The following CFAP46 variants were observed in gnomAD, a reference collection of about 807,000 sequenced individuals.
CFAP46 encodes cilia and flagella associated protein 46.
In CFAP46, 245 loss-of-function variants were observed where a neutral mutation model predicts 325.7. That is an observed-to-expected ratio of 0.75 (90% CI 0.68 to 0.84). The LOEUF (loss-of-function observed/expected upper bound fraction) is 0.84. CFAP46 is among the 40% of genes least tolerant of loss of function. CFAP46 has a pLI of 0.00. For synonymous variants in CFAP46, 1,523 were observed against 1,495.9 expected (o/e 1.02, Z -0.42); for missense variants, 3,346 against 3,543.0 (o/e 0.94, Z 1.41).
chr10:132,868,175 C>T (rs867049323), intron 33 of CFAP46, among the ~76,000 whole-genome samples: 1 of 152,300 alleles, frequency 6.6e-6, no homozygotes, highest in South Asian at 2.1e-4. Flanking sequence ...CGTTCCAAGT[C>T]GAGGTGCCCC....
intron 32 of CFAP46, among the ~76,000 whole-genome samples, chr10:132,871,015 T>G (rs1487376934): frequency 6.6e-6 from 1 of 152,230 alleles, no homozygotes; most frequent in Non-Finnish European, 1.5e-5. Context: ...GACTTTGAGT[T>G]GAAGCCAATC....
rs1848961962 is a variant in CFAP46 at position 132,876,693 on chromosome 10, A to C, written c.4362+119T>G. On this transcript the variant is annotated intron_variant, in intron 31 of 57. Coordinates refer to ENST00000368586, the MANE Select transcript of CFAP46 (RefSeq NM_001200049.3). The surrounding 1 kb of genome is among the most constrained non-coding windows in gnomAD (Gnocchi z 4.1). ...CTGTGGGAGGCTGGGGGCTGATGGG[A>C]CTCTGTCCTGTCCTCCTTTTTCTGG... 7.4e-6 allele frequency: 8 copies of C among 1,074,132 alleles called. No homozygotes were observed. The highest frequency in any genetic ancestry group is 1.1e-5 in the Non-Finnish European group (8 of 760,924). The allele number at this position is 1,074,132 out of a possible 1,614,324, so 66.5% of individuals were successfully genotyped here. A position where few individuals can be genotyped will look rare whatever the true frequency, so the allele number is the denominator to read the frequency against.
chr10:132,874,888 A>G (rs917262507), intron 31 of CFAP46, among the ~76,000 whole-genome samples: 2 of 152,234 alleles, frequency 1.3e-5, no homozygotes, highest in African/African-American at 4.8e-5. Flanking sequence ...CACCATTTTC[A>G]TTCAACCTCA....
At position 132,847,375 on chromosome 10, in the gene CFAP46, G is replaced by T; in HGVS notation, c.5953-54C>A. The T allele has an allele frequency of 6.2e-7, 1 of 1,601,164 alleles. No individual in the cohort carries two copies. Among genetic ancestry groups the T allele is most frequent in the Non-Finnish European group, 8.5e-7 (1 of 1,171,776 alleles). On this transcript the variant is annotated intron_variant, in intron 41 of 57. Transcript: ENST00000368586. The surrounding 1 kb of genome is among the most constrained non-coding windows in gnomAD (Gnocchi z 5.2). The stretch of plus-strand genomic sequence containing the variant: ...ACTTCTGGGTTCCTGCTTGGTCGGC[G>T]TGGGGAGGGCCCACCCAGGGAGGCC...
rs994379022 is a variant in CFAP46 at position 132,920,000 on chromosome 10, C to T, written c.1730+59G>A. On this transcript the variant is annotated intron_variant, in intron 14 of 57. Coordinates refer to ENST00000368586, the MANE Select transcript of CFAP46 (RefSeq NM_001200049.3). The surrounding 1 kb of genome is among the most constrained non-coding windows in gnomAD (Gnocchi z 9.7). ...CTCAGCCGCCACAGACACTGGCCCT[C>T]GGGCTGAGCGACCCCCGGGCTGAGC... 20 of 1,442,772 alleles carry T rather than the reference C, an allele frequency of 1.4e-5. No individual in the cohort carries two copies. The highest frequency in any genetic ancestry group is 1.6e-5 in the Non-Finnish European group (17 of 1,095,468). 89.4% of individuals were successfully genotyped at this position (1,442,772 alleles called of 1,614,324 possible).
intron 22 of CFAP46, 31 bp downstream of exon 22, chr10:132,908,437 G>T: frequency 6.5e-7 from 1 of 1,549,966 alleles, no homozygotes; most frequent in South Asian, 1.2e-5. Context: ...CCCGTTTTGA[G>T]GGAATTTGTC....
At chr10:132,816,401 G>C (rs553658116) in intron 50 of CFAP46, among the ~76,000 whole-genome samples, 2 of 145,916 alleles carry the variant, frequency 1.4e-5, no homozygotes, top group Admixed American at 1.4e-4. Flanking sequence ...GCGCGATCTC[G>C]GCTCACTGCA....
Position 132,876,258 on chromosome 10 carries a change from C to G in CFAP46, c.4362+554G>C, listed in dbSNP as rs542866377. Among the ~76,000 whole-genome samples, 77 of 152,386 alleles carry G rather than the reference C, an allele frequency of 5.1e-4. No individual in the cohort carries two copies. The highest frequency in any genetic ancestry group is 1.8e-3 in the African/African-American group (76 of 41,588). ...GGCACGGCAGTGAACTGAATGACCA[C>G]TATGGAGGGCAGCATGGCAGCGTGG... On this transcript the variant is annotated intron_variant, in intron 31 of 57. Coordinates refer to ENST00000368586, the MANE Select transcript of CFAP46 (RefSeq NM_001200049.3). This position sits in a 1 kb window ranked among gnomAD's most constrained non-coding sequence, Gnocchi z 4.1.
At position 132,909,235 on chromosome 10, in the gene CFAP46, C is replaced by T. The variant is rs552783498; in HGVS notation, c.2659G>A (p.Glu887Lys). 6.5e-7 allele frequency: 1 copy of T among 1,550,226 alleles called. No homozygotes were observed. Among genetic ancestry groups the T allele is most frequent in the Non-Finnish European group, 8.7e-7 (1 of 1,146,812 alleles). ...ACTCTGGTCACCGAGCTGACATCCTCATTGGTGCCCTGGTGGGGAGGATGC... is the reference window on the plus strand; with the variant it reads ...ACTCTGGTCACCGAGCTGACATCCTTATTGGTGCCCTGGTGGGGAGGATGC... ...RLGTEEQGTNEDVSSVTRVLV... is the reference protein window; with the variant it reads ...RLGTEEQGTNKDVSSVTRVLV... Residue 887 changes from glutamate to lysine, a missense_variant, in exon 21 of 58, where the codon GAG (glutamate) becomes AAG (lysine). Physicochemically the swap from Glu to Lys is moderately conservative, Grantham distance 56 (BLOSUM62 1). Transcript: ENST00000368586.
At chr10:132,821,615 ATGTGTGCTGTGTGTGTGC>A (rs1439164956) in intron 50 of CFAP46, among the ~76,000 whole-genome samples, 1 of 84,946 alleles carries the variant, frequency 1.2e-5, no homozygotes, top group Non-Finnish European at 2.2e-5. Flanking sequence ...GTGTGCGCTG[ATGTGTGCTGTGTGTGTGC>A]TGTGTGCTGT....
intron 27 of CFAP46, among the ~76,000 whole-genome samples, chr10:132,882,755 C>T (rs932402947): frequency 1.3e-5 from 2 of 151,916 alleles, no homozygotes; most frequent in Non-Finnish European, 2.9e-5. Context: ...GGACGAGGAA[C>T]CAGTGAGGTG....
chr10:132,882,016 T>C (rs531604264), intron 27 of CFAP46, among the ~76,000 whole-genome samples: 1 of 147,192 alleles, frequency 6.8e-6, no homozygotes, highest in Non-Finnish European at 1.5e-5. Context: ...GTGTGTGGGA[T>C]GTAAGGGGTG....
chr10:132,910,404 C>G (rs994032515), intron 19 of CFAP46, among the ~76,000 whole-genome samples: 8 of 152,230 alleles, frequency 5.3e-5, no homozygotes, highest in Admixed American at 4.6e-4. Flanking sequence ...GGGGGTGGGG[C>G]AGCAAGGACG....
rs191189101 is a variant in CFAP46 at position 132,900,064 on chromosome 10, C to T, written c.2925-398G>A. Among the ~76,000 whole-genome samples the T allele has an allele frequency of 7.7e-4, 118 of 152,302 alleles. 1 individual carries two copies. The highest frequency in any genetic ancestry group is 6.8e-3 in the Middle Eastern group (2 of 294). ...CTGACTCTCACAGTAACCTTATGAGCGACCCCAACCCAAAACTAACTAGCT... is the reference window on the plus strand; with the variant it reads ...CTGACTCTCACAGTAACCTTATGAGTGACCCCAACCCAAAACTAACTAGCT... On this transcript the variant is annotated intron_variant, in intron 22 of 57. Transcript: ENST00000368586.
Position 132,879,650 on chromosome 10 carries a change from G to C in CFAP46, c.3800-19C>G. Reference sequence around the variant, plus strand: ...TACTCCCCTGAAACACGGGGTGCCCGAGGCTGAGAGCAGGCCCGGCTACGG... The same window carrying C: ...TACTCCCCTGAAACACGGGGTGCCCCAGGCTGAGAGCAGGCCCGGCTACGG... On this transcript the variant is annotated intron_variant, in intron 28 of 57. Transcript: ENST00000368586. 6.7e-7 allele frequency: 1 copy of C among 1,489,854 alleles called. No individual in the cohort carries two copies. Among genetic ancestry groups the C allele is most frequent in the Non-Finnish European group, 8.9e-7 (1 of 1,117,968 alleles). 92.3% of individuals were successfully genotyped at this position (1,489,854 alleles called of 1,614,324 possible).
intron 11 of CFAP46, among the ~76,000 whole-genome samples, chr10:132,923,975 T>C (rs74161931): frequency 0.013 from 1,954 of 152,146 alleles, 54 homozygotes; most frequent in African/African-American, 0.045. Context: ...GCACTGGCAG[T>C]GCAGGAAGGT....
intron 22 of CFAP46, among the ~76,000 whole-genome samples, chr10:132,900,858 G>A (rs964197778): frequency 5.3e-5 from 8 of 152,332 alleles, no homozygotes; most frequent in Non-Finnish European, 8.8e-5. Flanking sequence ...GCTGAGAGAG[G>A]AATGTTAAAA....
At position 132,844,248 on chromosome 10, in the gene CFAP46, G is replaced by A. The variant is rs556617550; in HGVS notation, c.6438+1809C>T. Among the ~76,000 whole-genome samples, 163 of 152,152 alleles carry A rather than the reference G, an allele frequency of 1.1e-3. 1 individual carries two copies. The highest frequency in any genetic ancestry group is 1.8e-3 in the Non-Finnish European group (125 of 67,966). ...GCTGTGGGGCTCTCCTAGCTGCAGC[G>A]CAGTGACCTCTCCTGTCCTGGCTGC... On this transcript the variant is annotated intron_variant, in intron 44 of 57. Transcript: ENST00000368586.
rs1356859748 is a variant in CFAP46, at chr10:132,941,829, C to G, written c.175-107G>C. ...GAACAGGCCCCCAGCACAGGTGGAG[C>G]CTGTTTCCAGCCCCATCCTCCATCC... is the stretch of plus-strand genomic sequence containing the variant. On this transcript the variant is annotated intron_variant, in intron 2 of 57. Coordinates refer to ENST00000368586, the MANE Select transcript of CFAP46 (RefSeq NM_001200049.3). The G allele has an allele frequency of 2.6e-6, 4 of 1,552,608 alleles. No homozygotes were observed. The East Asian group carries it at 6.9e-5, about 27-fold the overall frequency.
Sources: allele counts gnomAD v4.1 joint callset (sites outside exome capture counted in the v4.1 genomes callset), GRCh38; gene constraint gnomAD v4.1.1; non-coding constraint Gnocchi (gnomAD v3.1); transcripts MANE v1.5; gene names NCBI Gene and HGNC (gene_info 2026-07-23, HGNC 2026-07-21).